The following PPP3CC variants were observed in gnomAD, a reference collection of about 807,000 sequenced individuals.
PPP3CC encodes the protein serine/threonine-protein phosphatase 2B catalytic subunit gamma isoform.
Under a neutral mutation model 60.3 loss-of-function variants are expected in PPP3CC, and 35 were observed. The observed-to-expected ratio is 0.58, with a 90% confidence interval of 0.44 to 0.77. The LOEUF is 0.77. Among genes scored for constraint, PPP3CC ranks in the 30% least tolerant of loss-of-function variants. The pLI is 0.00. For synonymous variants in PPP3CC, 206 were observed against 224.3 expected, an observed-to-expected ratio of 0.92 and a Z score of 0.73; for missense variants, 570 against 628.9, an observed-to-expected ratio of 0.91 and a Z score of 1.00.
chr8:22,441,560 C>T, intron 1 of PPP3CC, 102 bp downstream of exon 1: 1 of 1,300,088 alleles, frequency 7.7e-7, no homozygotes, highest in Non-Finnish European at 1.0e-6. Context: ...TGCGCCCACC[C>T]TAGGAGGGCT....
intron 4 of PPP3CC, among the ~76,000 whole-genome samples, chr8:22,509,715 G>A (rs925838515): frequency 3.9e-5 from 6 of 151,950 alleles, no homozygotes; most frequent in Non-Finnish European, 7.4e-5. Flanking sequence ...ATTTTTTATT[G>A]TTTAGAGACA....
intron 3 of PPP3CC, among the ~76,000 whole-genome samples, chr8:22,481,159 C>G (rs1361305033): frequency 6.6e-6 from 1 of 151,916 alleles, no homozygotes; most frequent in Non-Finnish European, 1.5e-5. Flanking sequence ...CATGGTGAAA[C>G]CCCGTCTGTA....
In PPP3CC at chr8:22,489,650, AATAAGTATATATTATAT is replaced by A. The variant is rs71546813; in HGVS notation, c.373-8314_373-8298del. Among the ~76,000 whole-genome samples, 182 of 93,828 alleles carry A rather than the reference AATAAGTATATATTATAT, an allele frequency of 1.9e-3. 1 individual carries two copies. The highest frequency in any genetic ancestry group is 9.9e-3 in the Middle Eastern group (2 of 202). The allele number at this position is 93,828 out of a possible 152,430, so 61.6% of individuals were successfully genotyped here. ...TAAGTATATATTACATATAATATAC[AATAAGTATATATTATAT>A]ATAAGTATATATTATATATAAGTAT... On this transcript the variant is annotated intron_variant, in intron 3 of 13. Transcript: ENST00000240139.
At chr8:22,471,407 CATT>C (rs1380759571) in intron 1 of PPP3CC, among the ~76,000 whole-genome samples, 1 of 150,734 alleles carries the variant, frequency 6.6e-6, no homozygotes, top group East Asian at 1.9e-4. Flanking sequence ...ATGACTTTGT[CATT>C]GTGAGAACAC....
intron 1 of PPP3CC, among the ~76,000 whole-genome samples, chr8:22,450,804 TTTA>T (rs1294380031): frequency 0.023 from 783 of 33,696 alleles, 4 homozygotes; most frequent in Non-Finnish European, 0.025. Flanking sequence ...TTTATTTTTA[TTTA>T]TTTATTTATT....
intron 11 of PPP3CC, 106 bp downstream of exon 11, chr8:22,532,412 C>A: frequency 1.1e-6 from 1 of 918,552 alleles, no homozygotes; most frequent in Non-Finnish European, 1.7e-6. Context: ...ATTGAAACTG[C>A]AGGTCTTTAG....
In PPP3CC at chr8:22,511,263, T is replaced by G. The variant is rs773420065; in HGVS notation, c.630+32T>G. The G allele has an allele frequency of 1.9e-6, 3 of 1,593,066 alleles. No individual in the cohort carries two copies. The South Asian group carries it at 3.3e-5, about 18-fold the overall frequency. ...AATCTTTTATTATTCTCACAGGGAA[T>G]ATTTTTAAAATGTGTTGGGTTTTTT... On this transcript the variant is annotated intron_variant, in intron 5 of 13. Transcript: ENST00000240139.
chr8:22,453,557 A>G (rs1474285544), intron 1 of PPP3CC, among the ~76,000 whole-genome samples: 1 of 152,248 alleles, frequency 6.6e-6, no homozygotes, highest in African/African-American at 2.4e-5. Context: ...CTGTATTTGC[A>G]GGATGGGGTT....
At chr8:22,497,925 C>T (rs1838638252) in intron 3 of PPP3CC, 76 bp from the exon 4 acceptor site, 2 of 921,374 alleles carry the variant, frequency 2.2e-6, no homozygotes, top group East Asian at 2.6e-5. Flanking sequence ...TACAGCAAGT[C>T]ATTTGAATTA....
chr8:22,475,723 G>T lies in PPP3CC; in HGVS notation c.372+99G>T, dbSNP rs997094476. On this transcript the variant is annotated intron_variant, in intron 3 of 13. Transcript: ENST00000240139. ...AGAAATTAAAATGAGAACTCTGGCA[G>T]AATTTATAAACTTTGTTACTTTCAA... is the stretch of plus-strand genomic sequence containing the variant. 1.2e-5 allele frequency: 14 copies of T among 1,164,102 alleles called. No individual in the cohort carries two copies. In the African/African-American group the frequency reaches 1.7e-4, roughly 15 times the overall value. The allele number at this position is 1,164,102 out of a possible 1,614,324, so 72.1% of individuals were successfully genotyped here.
chr8:22,508,400 T>G (rs1351957995), intron 4 of PPP3CC, among the ~76,000 whole-genome samples: 1 of 152,196 alleles, frequency 6.6e-6, no homozygotes, highest in Non-Finnish European at 1.5e-5. Flanking sequence ...ATACTGGTAA[T>G]TATATATGCA....
At chr8:22,485,082 A>G (rs1838185661) in intron 3 of PPP3CC, among the ~76,000 whole-genome samples, 1 of 152,194 alleles carries the variant, frequency 6.6e-6, no homozygotes, top group Non-Finnish European at 1.5e-5. Context: ...GACTGTTTGA[A>G]TGATCCTTAC....
intron 1 of PPP3CC, among the ~76,000 whole-genome samples, chr8:22,474,725 C>A (rs894246841): frequency 3.3e-5 from 5 of 151,884 alleles, no homozygotes; most frequent in Non-Finnish European, 5.9e-5. Flanking sequence ...ACAACAAAAA[C>A]CATTATAATT....
intron 3 of PPP3CC, among the ~76,000 whole-genome samples, chr8:22,478,007 C>A (rs940608506): frequency 4.6e-5 from 7 of 152,158 alleles, no homozygotes; most frequent in Non-Finnish European, 7.3e-5. Flanking sequence ...CCTGCCACCA[C>A]GTCTGGCTAA....
intron 10 of PPP3CC, among the ~76,000 whole-genome samples, chr8:22,530,078 C>CCATACACTCTCATGCTT (rs1320820148): frequency 6.6e-6 from 1 of 152,160 alleles, no homozygotes; most frequent in African/African-American, 2.4e-5. Flanking sequence ...GAGGAAATTA[C>CCATACACTCTCATGCTT]CATACACTCT....
At chr8:22,484,274 A>C (rs1177295458) in intron 3 of PPP3CC, among the ~76,000 whole-genome samples, 1 of 152,098 alleles carries the variant, frequency 6.6e-6, no homozygotes, top group East Asian at 1.9e-4. Context: ...AATCAGAATA[A>C]ATTTTTTTAG....
chr8:22,539,867 A>C (rs1044283647), intron 13 of PPP3CC, among the ~76,000 whole-genome samples: 1 of 152,224 alleles, frequency 6.6e-6, no homozygotes, highest in Non-Finnish European at 1.5e-5. Flanking sequence ...CAGCGATTCT[A>C]AAAGATTTCA....
At chr8:22,481,382 G>A (rs940253377) in intron 3 of PPP3CC, among the ~76,000 whole-genome samples, 6 of 130,554 alleles carry the variant, frequency 4.6e-5, no homozygotes, top group African/African-American at 1.9e-4. Context: ...TAATAATAAT[G>A]ATAATATTCA....
At chr8:22,449,826 G>A (rs1207275152) in intron 1 of PPP3CC, among the ~76,000 whole-genome samples, 1 of 151,704 alleles carries the variant, frequency 6.6e-6, no homozygotes, top group East Asian at 1.9e-4. Context: ...TTTCATTAAT[G>A]GGACAGCAAG....
Sources: allele counts gnomAD v4.1 joint callset (sites outside exome capture counted in the v4.1 genomes callset), GRCh38; gene constraint gnomAD v4.1.1; transcripts MANE v1.5; gene names NCBI Gene and HGNC (gene_info 2026-07-23, HGNC 2026-07-21).